Variants in MYOM1 observed in about 807,000 individuals in gnomAD.
MYOM1 encodes the protein myomesin 1, also known as myomesin-1.
In MYOM1, 164 loss-of-function variants were observed where a neutral mutation model predicts 205.3. That is an observed-to-expected ratio of 0.80 (90% CI 0.70 to 0.91). The LOEUF (loss-of-function observed/expected upper bound fraction) is 0.91. Ranked by LOEUF, MYOM1 falls within the 40% of genes least tolerant of loss-of-function variation. MYOM1 has a pLI of 0.00. For missense variants in MYOM1, 2,011 were observed against 2,127.3 expected (o/e 0.95, Z 1.08); for synonymous variants, 772 against 789.4 (o/e 0.98, Z 0.37).
chr18:3,128,770 G>A lies in MYOM1; in HGVS notation c.2794+462C>T, dbSNP rs1038195846. The stretch of plus-strand genomic sequence containing the variant: ...CTATTTAAATTAAATGTGAATAATC[G>A]CTTAATAATCTGAGGATGAGCAAGA... On this transcript the variant is annotated intron_variant, in intron 18 of 37. Coordinates refer to ENST00000356443, the MANE Select transcript of MYOM1 (RefSeq NM_003803.4). Among the ~76,000 whole-genome samples the A allele has an allele frequency of 6.6e-5, 10 of 151,736 alleles. No individual in the cohort carries two copies. In the East Asian group the frequency reaches 1.2e-3, roughly 18 times the overall value.
chr18:3,105,387 T>C (rs2143774628), intron 22 of MYOM1, among the ~76,000 whole-genome samples: 1 of 152,362 alleles, frequency 6.6e-6, no homozygotes, highest in Middle Eastern at 3.4e-3. Context: ...TCTTATTGAA[T>C]TGCATACTTT....
At chr18:3,101,135 G>T (rs1423144637) in intron 23 of MYOM1, among the ~76,000 whole-genome samples, 3 of 152,166 alleles carry the variant, frequency 2.0e-5, no homozygotes, top group Non-Finnish European at 2.9e-5. Flanking sequence ...TGTGTTTTAT[G>T]TCAAGAAATT....
intron 25 of MYOM1, among the ~76,000 whole-genome samples, chr18:3,094,860 C>T (rs1395430904): frequency 6.6e-6 from 1 of 151,852 alleles, no homozygotes; most frequent in African/African-American, 2.4e-5. Context: ...GAAAGAGACT[C>T]ACTATGTTGC....
At chr18:3,176,282 T>C (rs1007782866) in intron 5 of MYOM1, 148 bp from the exon 6 acceptor site, 9 of 576,426 alleles carry the variant, frequency 1.6e-5, no homozygotes, top group African/African-American at 1.5e-4. Flanking sequence ...GTAAATCATA[T>C]TGGCTTACGT....
chr18:3,108,383 T>C (rs1450453315), intron 22 of MYOM1, among the ~76,000 whole-genome samples: 4 of 152,134 alleles, frequency 2.6e-5, no homozygotes, highest in African/African-American at 4.8e-5. Context: ...CTTGATAAAT[T>C]TGATGAGGAA....
chr18:3,119,958 T>C lies in MYOM1; in HGVS notation c.3029A>G (p.Gln1010Arg). ...CCCAGCCATGTTCATGGCTGCCACTTGGAACTGATACACCATGTTTTCCTT... is the reference window on the plus strand; with the variant it reads ...CCCAGCCATGTTCATGGCTGCCACTCGGAACTGATACACCATGTTTTCCTT... Reference protein sequence around the residue: ...NLKENMVYQFQVAAMNMAGLG... With the variant: ...NLKENMVYQFRVAAMNMAGLG... Residue 1010 changes from glutamine to arginine, a missense_variant, in exon 20 of 38, where the codon CAA (glutamine) becomes CGA (arginine). Gln to Arg is a conservative substitution (Grantham distance 43). Transcript: ENST00000356443. 1 of 1,609,136 alleles carries C rather than the reference T, an allele frequency of 6.2e-7. No individual in the cohort carries two copies. Among genetic ancestry groups the C allele is most frequent in the Non-Finnish European group, 8.5e-7 (1 of 1,177,652 alleles).
intron 8 of MYOM1, 149 bp from the exon 9 acceptor site, chr18:3,169,130 T>C: frequency 4.3e-6 from 3 of 692,646 alleles, no homozygotes; most frequent in South Asian, 1.9e-5. Flanking sequence ...AAACCGTACA[T>C]AAGAAGTATT....
chr18:3,197,594 CT>C (rs1567963671), intron 2 of MYOM1, among the ~76,000 whole-genome samples: 1 of 151,878 alleles, frequency 6.6e-6, no homozygotes, highest in Non-Finnish European at 1.5e-5. Flanking sequence ...AGTGTTAAGG[CT>C]GGGCGCGGTG....
chr18:3,096,207 G>A (rs1567903363), intron 25 of MYOM1, among the ~76,000 whole-genome samples: 1 of 152,132 alleles, frequency 6.6e-6, no homozygotes, highest in African/African-American at 2.4e-5. Flanking sequence ...AGACCACCTG[G>A]GTTTAACCAG....
In MYOM1 at chr18:3,094,156, A is replaced by G. The variant is rs749877107; in HGVS notation, c.3864+14T>C. 1.2e-6 allele frequency: 2 copies of G among 1,612,896 alleles called. No homozygotes were observed. The highest frequency in any genetic ancestry group is 1.3e-5 in the African/African-American group (1 of 75,014). ...CAATGATACATTAAAAAGTCTAAAC[A>G]GTGTAAAACCTACCGGGCCTTCAAA... On this transcript the variant is annotated intron_variant, in intron 26 of 37. Coordinates refer to ENST00000356443, the MANE Select transcript of MYOM1 (RefSeq NM_003803.4).
At chr18:3,229,213 T>C in the MYOM1 span, among the ~76,000 whole-genome samples, 2 of 152,220 alleles carry the variant, frequency 1.3e-5, no homozygotes, top group East Asian at 1.9e-4. Flanking sequence ...TAGAGTGGGA[T>C]TGGAAGAGTG....
intron 31 of MYOM1, 53 bp downstream of exon 31, chr18:3,084,992 G>T: frequency 7.5e-7 from 1 of 1,328,106 alleles, no homozygotes; most frequent in Non-Finnish European, 1.0e-6. Flanking sequence ...CATCATTCTG[G>T]TAAGCTGTAT....
At position 3,116,405 on chromosome 18, in the gene MYOM1, A is replaced by G. The variant is rs769859396; in HGVS notation, c.3229T>C (p.Leu1077=). The part of the protein sequence containing the change: ...RTPVTGYFVD[L]KEAKAKEDQW... Reference sequence around the variant, plus strand: ...TCTTCTTTGGCCTTGGCCTCCTTCAAGTCCACGAAGTAACCAGTGACCGGA... The same window carrying G: ...TCTTCTTTGGCCTTGGCCTCCTTCAGGTCCACGAAGTAACCAGTGACCGGA... Residue 1077 remains leucine, a synonymous_variant, in exon 21 of 38, where the codon TTG becomes CTG. Coordinates refer to ENST00000356443, the MANE Select transcript of MYOM1 (RefSeq NM_003803.4). 11 of 1,613,600 alleles carry G rather than the reference A, an allele frequency of 6.8e-6. No individual in the cohort carries two copies. In the Admixed American group the frequency reaches 1.2e-4, roughly 17 times the overall value.
Position 3,135,625 on chromosome 18 carries a change from G to A in MYOM1, c.2131C>T (p.Arg711Cys), listed in dbSNP as rs368232161. The change falls in exon 15 of 38, where the codon CGT (arginine) becomes TGT (cysteine). Residue 711 changes from arginine to cysteine, a missense_variant. Physicochemically the swap from Arg to Cys is radical, Grantham distance 180. Transcript: ENST00000356443. The surrounding 1 kb of genome is among the most constrained non-coding windows in gnomAD (Gnocchi z 4.1). ...CCTGCAGAATTAGAACAGCGGACAC[G>A]GAAACAGTAGGATTTCCCCTCGGCC... ...DLAEGKSYCF[R>C]VRCSNSAGVG... 2.4e-5 allele frequency: 38 copies of A among 1,613,770 alleles called. No homozygotes were observed. The highest frequency in any genetic ancestry group is 2.1e-4 in the South Asian group (19 of 91,072).
intron 3 of MYOM1, chr18:3,190,489 G>A (rs1429189190): frequency 5.9e-5 from 9 of 152,300 alleles, no homozygotes; most frequent in African/African-American, 2.2e-4. Flanking sequence ...CAGACGAGAT[G>A]AGTCCACGTT....
chr18:3,083,429 T>TTC (rs1341729401), intron 33 of MYOM1, among the ~76,000 whole-genome samples: 4 of 115,822 alleles, frequency 3.5e-5, no homozygotes, highest in Admixed American at 8.6e-5. Context: ...TTCTTTTTCT[T>TTC]TTTTTTTTTT....
At chr18:3,239,976 C>T in the MYOM1 span, among the ~76,000 whole-genome samples, 1 of 152,020 alleles carries the variant, frequency 6.6e-6, no homozygotes, top group African/African-American at 2.4e-5. Flanking sequence ...GATTATTGTG[C>T]TTTATCCTCA....
At position 3,085,083 on chromosome 18, in the gene MYOM1, C is replaced by T. The variant is rs776173695; in HGVS notation, c.4301G>A (p.Arg1434Gln). 1.9e-5 allele frequency: 30 copies of T among 1,608,982 alleles called. No individual in the cohort carries two copies. The highest frequency in any genetic ancestry group is 1.2e-4 in the African/African-American group (9 of 74,812). ...GIYEVILKDD[R>Q]GKDKSRLKLV... ...CTTCAGTCTGCTCTTATCTTTTCCT[C>T]GGTCATCTTTCAGGATAACTTCATA... The change falls in exon 31 of 38, where the codon CGA becomes CAA. Residue 1434 changes from arginine to glutamine, a missense_variant. Arg to Gln is a conservative substitution (Grantham distance 43). Coordinates refer to ENST00000356443, the MANE Select transcript of MYOM1 (RefSeq NM_003803.4).
chr18:3,197,096 G>C (rs2080998489), intron 2 of MYOM1, among the ~76,000 whole-genome samples: 1 of 151,614 alleles, frequency 6.6e-6, no homozygotes, highest in Admixed American at 6.6e-5. Context: ...TTGATTTTCA[G>C]GTTAGTGTTC....
Sources: gnomAD v4.1 joint callset for allele counts (sites outside exome capture counted in the v4.1 genomes callset) on GRCh38, gnomAD v4.1.1 for gene constraint, Gnocchi (gnomAD v3.1) non-coding constraint, MANE v1.5 for transcripts, NCBI Gene and HGNC (gene_info 2026-07-23, HGNC 2026-07-21) for gene names.